Variants in PTK2 observed in about 807,000 individuals in gnomAD.
PTK2 encodes focal adhesion kinase 1.
In PTK2, 45 loss-of-function variants were observed where a neutral mutation model predicts 150.1. The observed-to-expected ratio is 0.30, with a 90% CI of 0.24 to 0.38. The LOEUF (loss-of-function observed/expected upper bound fraction) is 0.38. Among genes scored for constraint, PTK2 ranks in the 10% least tolerant of loss-of-function variants. PTK2 has a pLI of 1.00. For synonymous variants in PTK2, 432 were observed against 449.2 expected (o/e 0.96, Z 0.48); for missense variants, 919 against 1,307.3 (o/e 0.70, Z 4.58).
intron 14 of PTK2, among the ~76,000 whole-genome samples, chr8:140,767,458 G>T (rs1026771374): frequency 6.6e-6 from 1 of 151,924 alleles, no homozygotes; most frequent in Non-Finnish European, 1.5e-5. Flanking sequence ...AGTTTCATAT[G>T]TATGGTAATA....
intron 7 of PTK2, among the ~76,000 whole-genome samples, chr8:140,838,611 T>G (rs533099517): frequency 6.6e-6 from 1 of 152,210 alleles, no homozygotes; most frequent in Non-Finnish European, 1.5e-5. Context: ...GTGGGAAGAT[T>G]GCTTGACCAG....
intron 1 of PTK2, among the ~76,000 whole-genome samples, chr8:140,930,890 A>G (rs1028434956): frequency 2.0e-5 from 3 of 152,104 alleles, no homozygotes; most frequent in African/African-American, 7.2e-5. Context: ...CCTGAGTAAC[A>G]TGGTGAAACC....
At chr8:140,890,842 A>G (rs2154607400) in intron 2 of PTK2, 73 bp from the exon 3 acceptor site, 2 of 1,277,754 alleles carry the variant, frequency 1.6e-6, no homozygotes, top group South Asian at 1.3e-5. Flanking sequence ...TATGTTGTTT[A>G]TATCAAATGT....
At chr8:140,884,356 T>C (rs2100151164) in intron 3 of PTK2, among the ~76,000 whole-genome samples, 1 of 152,218 alleles carries the variant, frequency 6.6e-6, no homozygotes, top group Admixed American at 6.5e-5. Flanking sequence ...GCTTTCTTCC[T>C]AGATGATACT....
At chr8:140,829,660 A>T (rs769475831) in intron 8 of PTK2, among the ~76,000 whole-genome samples, 1 of 152,130 alleles carries the variant, frequency 6.6e-6, no homozygotes. Context: ...ATCTTTGAAA[A>T]ATAAAAAGTA....
chr8:140,838,058 T>C (rs1331994956), intron 7 of PTK2, among the ~76,000 whole-genome samples: 2 of 151,350 alleles, frequency 1.3e-5, no homozygotes, highest in Non-Finnish European at 2.9e-5. Context: ...CAAGACTCCA[T>C]CTCAAAAAAA....
chr8:140,953,076 T>C (rs2100180042), intron 1 of PTK2, among the ~76,000 whole-genome samples: 2 of 152,190 alleles, frequency 1.3e-5, no homozygotes, highest in Non-Finnish European at 2.9e-5. Flanking sequence ...TTAAATAATT[T>C]GATTAAAATT....
chr8:140,966,891 A>C (rs551297376), intron 1 of PTK2, among the ~76,000 whole-genome samples: 1 of 152,290 alleles, frequency 6.6e-6, no homozygotes, highest in South Asian at 2.1e-4. Flanking sequence ...TCTGTGCTTC[A>C]TTATCACGTA....
intron 26 of PTK2, among the ~76,000 whole-genome samples, chr8:140,693,658 G>C: frequency 6.8e-6 from 1 of 145,988 alleles, no homozygotes; most frequent in East Asian, 2.1e-4. Flanking sequence ...CCTTGGGCAA[G>C]AGCATCCGGG....
chr8:140,837,746 C>G (rs1334167527), intron 7 of PTK2, among the ~76,000 whole-genome samples: 1 of 145,780 alleles, frequency 6.9e-6, no homozygotes, highest in Non-Finnish European at 1.5e-5. Flanking sequence ...CAAACAAAAA[C>G]AAAAAAAGTC....
chr8:140,905,890 CT>C (rs2100160682), intron 2 of PTK2, among the ~76,000 whole-genome samples: 1 of 152,078 alleles, frequency 6.6e-6, no homozygotes, highest in South Asian at 2.1e-4. Context: ...TACATGGAAA[CT>C]GAACAACTTG....
At chr8:140,846,817 T>C (rs186647912) in intron 5 of PTK2, 139 bp from the exon 6 acceptor site, 230 of 601,596 alleles carry the variant, frequency 3.8e-4, no homozygotes, top group African/African-American at 3.6e-3. Flanking sequence ...AAGATATAAA[T>C]AAATGTTTCC....
rs142949613 is a variant in PTK2, at chr8:140,918,955, A to G, written c.-33+6706T>C. 3.6e-3 allele frequency among the ~76,000 whole-genome samples: 544 copies of G among 152,336 alleles called. 4 individuals are homozygous for G. Among genetic ancestry groups the G allele is most frequent in the African/African-American group, 0.012 (516 of 41,566 alleles). ...ATCACACAGATAAAAATTAACCAGC[A>G]TAACAACAAGGTTTCCTGCCTCCCT... On this transcript the variant is annotated intron_variant, in intron 2 of 31. Coordinates refer to ENST00000522684, the Ensembl canonical transcript of PTK2.
At chr8:140,880,493 C>T (rs373864502) in intron 3 of PTK2, among the ~76,000 whole-genome samples, 1 of 152,204 alleles carries the variant, frequency 6.6e-6, no homozygotes, top group Non-Finnish European at 1.5e-5. Flanking sequence ...CTGTCCTTTA[C>T]ACGAGGGTAT....
intron 5 of PTK2, among the ~76,000 whole-genome samples, chr8:140,851,963 G>A (rs1447908800): frequency 6.6e-6 from 1 of 152,030 alleles, no homozygotes; most frequent in East Asian, 1.9e-4. Flanking sequence ...ACTTGGGTGG[G>A]AGCACATGCA....
chr8:140,861,863 G>GA (rs1481325899), intron 5 of PTK2, among the ~76,000 whole-genome samples: 14 of 152,170 alleles, frequency 9.2e-5, no homozygotes, highest in Admixed American at 2.0e-4. Flanking sequence ...GCCTTGATCA[G>GA]AATTTTTTTT....
At chr8:140,740,689 T>C (rs376259716) in intron 20 of PTK2, among the ~76,000 whole-genome samples, 125 of 152,358 alleles carry the variant, frequency 8.2e-4, no homozygotes, top group African/African-American at 2.7e-3. Flanking sequence ...TAGCTCTTTA[T>C]TGGAATTCTA....
At chr8:140,988,760 C>T (rs1291764845) in intron 1 of PTK2, among the ~76,000 whole-genome samples, 1 of 146,398 alleles carries the variant, frequency 6.8e-6, no homozygotes, top group Non-Finnish European at 1.5e-5. Flanking sequence ...AAGACACACA[C>T]GTATACGGAC....
intron 23 of PTK2, among the ~76,000 whole-genome samples, chr8:140,715,384 C>T (rs1476664059): frequency 6.6e-6 from 1 of 151,746 alleles, no homozygotes; most frequent in African/African-American, 2.4e-5. Flanking sequence ...GTTGGCCAGG[C>T]TGGTCTCGAA....
Sources: allele counts gnomAD v4.1 joint callset (sites outside exome capture counted in the v4.1 genomes callset), GRCh38; gene constraint gnomAD v4.1.1; transcripts MANE v1.5; gene names NCBI Gene and HGNC (gene_info 2026-07-23, HGNC 2026-07-21).